Variants in PRKN observed in about 807,000 individuals in gnomAD.
PRKN encodes the protein parkin RBR E3 ubiquitin protein ligase.
In PRKN, 56 loss-of-function variants were observed where a neutral mutation model predicts 59.5. The observed-to-expected ratio is 0.94, with a 90% CI of 0.76 to 1.18. PRKN has a LOEUF of 1.18. Ranked by LOEUF, PRKN falls within the 50% of genes most tolerant of loss-of-function variation. The pLI is 0.00. For missense variants in PRKN, 657 were observed against 596.4 expected, an observed-to-expected ratio of 1.10 and a Z score of -1.06; for synonymous variants, 250 against 222.1, an observed-to-expected ratio of 1.13 and a Z score of -1.12.
intron 2 of PRKN, among the ~76,000 whole-genome samples, chr6:162,390,396 T>TATATATATATACAC (rs1180636201): frequency 2.3e-4 from 19 of 84,110 alleles, no homozygotes; most frequent in Admixed American, 6.8e-4. Context: ...TATATATATA[T>TATATATATATACAC]ACACACACAC....
intron 5 of PRKN, among the ~76,000 whole-genome samples, chr6:162,022,353 AT>A (rs964703191): frequency 6.6e-6 from 1 of 151,998 alleles, no homozygotes; most frequent in Non-Finnish European, 1.5e-5. Flanking sequence ...AATATATGTT[AT>A]TTTTTGACAA....
chr6:162,581,488 C>A (rs767949697), intron 1 of PRKN, among the ~76,000 whole-genome samples: 5 of 152,202 alleles, frequency 3.3e-5, no homozygotes, highest in Non-Finnish European at 5.9e-5. Context: ...AGGCCAGGTG[C>A]GGTGGCTCAC....
chr6:162,518,027 T>C (rs1369357415), intron 1 of PRKN, among the ~76,000 whole-genome samples: 1 of 152,180 alleles, frequency 6.6e-6, no homozygotes, highest in Non-Finnish European at 1.5e-5. Flanking sequence ...TGCACAACTG[T>C]GAAAAATGTG....
rs552438025 is a variant in PRKN at position 161,417,169 on chromosome 6, G to A, written c.1084-30292C>T. ...TTGATGGCCTGTAAAGTCATCTAACGGGCTTGGCGCAGTGGCTCACGCCTG... is the reference window on the plus strand; with the variant it reads ...TTGATGGCCTGTAAAGTCATCTAACAGGCTTGGCGCAGTGGCTCACGCCTG... On this transcript the variant is annotated intron_variant, in intron 9 of 11. Transcript: ENST00000366898. This position sits in a 1 kb window ranked among gnomAD's most constrained non-coding sequence, Gnocchi z 5.4. 2.0e-5 allele frequency among the ~76,000 whole-genome samples: 3 copies of A among 152,170 alleles called. No individual in the cohort carries two copies. The highest frequency in any genetic ancestry group is 4.8e-5 in the African/African-American group (2 of 41,502).
At chr6:162,658,194 G>C (rs1778725151) in intron 1 of PRKN, among the ~76,000 whole-genome samples, 2 of 152,038 alleles carry the variant, frequency 1.3e-5, no homozygotes, top group Non-Finnish European at 2.9e-5. Context: ...TATTCTACTG[G>C]TCTTAAAGAA....
intron 5 of PRKN, among the ~76,000 whole-genome samples, chr6:162,002,887 G>T (rs1449340828): frequency 6.6e-6 from 1 of 152,044 alleles, no homozygotes; most frequent in Non-Finnish European, 1.5e-5. Context: ...ATGTGTTACT[G>T]AGAAGTTTGT....
At chr6:162,213,351 A>G (rs1422658583) in intron 3 of PRKN, among the ~76,000 whole-genome samples, 2 of 152,204 alleles carry the variant, frequency 1.3e-5, no homozygotes, top group Non-Finnish European at 2.9e-5. Flanking sequence ...AAATCCTAGA[A>G]TAACACTGAG....
At position 162,262,770 on chromosome 6, in the gene PRKN, T is replaced by C; in HGVS notation, c.172-5A>G. 2 of 1,604,210 alleles carry C rather than the reference T, an allele frequency of 1.2e-6. No homozygotes were observed. Among genetic ancestry groups the C allele is most frequent in the South Asian group, 1.1e-5 (1 of 90,808 alleles). ...CTGCTGATCCAGGTCACAATTCTGT[T>C]TGGGAGCAAGGTAAAAAAAAAAAAA... On this transcript the variant is annotated splice_polypyrimidine_tract_variant and splice_region_variant and intron_variant, in intron 2 of 11. Coordinates refer to ENST00000366898, the MANE Select transcript of PRKN (RefSeq NM_004562.3).
chr6:161,948,756 A>G (rs529444619), intron 6 of PRKN, among the ~76,000 whole-genome samples: 6 of 152,300 alleles, frequency 3.9e-5, no homozygotes, highest in African/African-American at 1.4e-4. Context: ...ATGTGTTTGG[A>G]GGGCAAGAGG....
At chr6:161,727,460 A>C (rs1787490912) in intron 7 of PRKN, among the ~76,000 whole-genome samples, 1 of 152,234 alleles carries the variant, frequency 6.6e-6, no homozygotes, top group African/African-American at 2.4e-5. Context: ...TTAGATAACA[A>C]GGATGTAATG....
chr6:161,400,159 C>T lies in PRKN; in HGVS notation c.1084-13282G>A, dbSNP rs1250593572. Reference sequence around the variant, plus strand: ...CACCACGCTGGACTGCGCAGGTCTACAAGGACCCTGCTGTCTGAGGACTCC... The same window carrying T: ...CACCACGCTGGACTGCGCAGGTCTATAAGGACCCTGCTGTCTGAGGACTCC... On this transcript the variant is annotated intron_variant, in intron 9 of 11. Transcript: ENST00000366898. The surrounding 1 kb of genome is among the most constrained non-coding windows in gnomAD (Gnocchi z 4.2). 6.6e-6 allele frequency among the ~76,000 whole-genome samples: 1 copy of T among 152,020 alleles called. No homozygotes were observed. Among genetic ancestry groups the T allele is most frequent in the East Asian group, 1.9e-4 (1 of 5,154 alleles).
chr6:162,476,830 T>C (rs1396619497), intron 1 of PRKN, among the ~76,000 whole-genome samples: 1 of 152,160 alleles, frequency 6.6e-6, no homozygotes, highest in East Asian at 1.9e-4. Flanking sequence ...ACACCTAGAG[T>C]TCTCCTCATC....
chr6:162,325,396 CATCT>C (rs1783224118), intron 2 of PRKN, among the ~76,000 whole-genome samples: 2 of 152,144 alleles, frequency 1.3e-5, no homozygotes, highest in Admixed American at 1.3e-4. Flanking sequence ...TTTTTCAACT[CATCT>C]CGACGGAAAC....
In PRKN at chr6:162,081,007, C is replaced by T. The variant is rs1779033672; in HGVS notation, c.535-26833G>A. Among the ~76,000 whole-genome samples, 5 of 152,080 alleles carry T rather than the reference C, an allele frequency of 3.3e-5. No homozygotes were observed. In the South Asian group the frequency reaches 1.0e-3, roughly 31 times the overall value. On this transcript the variant is annotated intron_variant, in intron 4 of 11. Coordinates refer to ENST00000366898, the MANE Select transcript of PRKN (RefSeq NM_004562.3). ...TCTTCCATAAGAAGCAACTCCTCATCCGTTCATATTTTATTATGAGATTGC... is the reference window on the plus strand; with the variant it reads ...TCTTCCATAAGAAGCAACTCCTCATTCGTTCATATTTTATTATGAGATTGC...
chr6:161,439,870 T>C (rs1364142679), intron 9 of PRKN, among the ~76,000 whole-genome samples: 1 of 152,162 alleles, frequency 6.6e-6, no homozygotes, highest in African/African-American at 2.4e-5. Flanking sequence ...TCAGATAGAC[T>C]TGGTCAAGGT....
chr6:161,605,294 T>C (rs1038714209), intron 7 of PRKN, among the ~76,000 whole-genome samples: 1 of 152,186 alleles, frequency 6.6e-6, no homozygotes, highest in Admixed American at 6.5e-5. Context: ...TATACAGCTA[T>C]GTACCCGTAT....
At chr6:162,177,399 G>C (rs1469673427) in intron 4 of PRKN, among the ~76,000 whole-genome samples, 1 of 152,084 alleles carries the variant, frequency 6.6e-6, no homozygotes, top group Non-Finnish European at 1.5e-5. Context: ...TGTATCAGCG[G>C]TTTCTACCTC....
chr6:161,968,170 G>T (rs996351582), intron 6 of PRKN, among the ~76,000 whole-genome samples: 26 of 149,114 alleles, frequency 1.7e-4, no homozygotes, highest in African/African-American at 5.7e-4. Flanking sequence ...ACAGGCGCGC[G>T]CCACCATGCC....
At chr6:161,884,643 T>C (rs1398383443) in intron 6 of PRKN, among the ~76,000 whole-genome samples, 5 of 152,198 alleles carry the variant, frequency 3.3e-5, no homozygotes, top group Non-Finnish European at 4.4e-5. Flanking sequence ...TCATTTCTAA[T>C]TTTGTTGAAA....
Sources: allele counts gnomAD v4.1 joint callset (sites outside exome capture counted in the v4.1 genomes callset), GRCh38; gene constraint gnomAD v4.1.1; non-coding constraint Gnocchi (gnomAD v3.1); transcripts MANE v1.5; gene names NCBI Gene and HGNC (gene_info 2026-07-23, HGNC 2026-07-21).